The following RBFOX1 variants were observed in gnomAD, a reference collection of about 807,000 sequenced individuals.
RBFOX1 encodes the protein RNA binding fox-1 homolog 1.
A neutral mutation model predicts 57.7 loss-of-function variants in RBFOX1; 8 were observed. The ratio of observed to expected loss-of-function variants is 0.14; its 90% CI spans 0.08 to 0.25. The LOEUF is 0.25. Ranked by LOEUF, RBFOX1 falls within the 10% of genes least tolerant of loss-of-function variation. The pLI, the probability that RBFOX1 is intolerant of heterozygous loss-of-function variation, is 1.00. For missense variants in RBFOX1, 611 were observed against 548.5 expected (o/e 1.11, Z -1.14); for synonymous variants, 326 against 222.4 (o/e 1.47, Z -4.15).
chr16:7,597,587 G>C (rs555565829), intron 9 of RBFOX1, among the ~76,000 whole-genome samples, 156 bp downstream of exon 9: 1 of 152,320 alleles, frequency 6.6e-6, no homozygotes, highest in South Asian at 2.1e-4. Flanking sequence ...ACATCAATAA[G>C]ATCATTTTCA....
chr16:7,275,354 C>A (rs1325643103), intron 4 of RBFOX1, among the ~76,000 whole-genome samples: 3 of 152,286 alleles, frequency 2.0e-5, no homozygotes, highest in Admixed American at 2.0e-4. Context: ...TTAACCATTT[C>A]CCTGTTTTAG....
At chr16:7,560,175 C>T (rs954937904) in intron 5 of RBFOX1, among the ~76,000 whole-genome samples, 3 of 152,210 alleles carry the variant, frequency 2.0e-5, no homozygotes, top group African/African-American at 7.2e-5. Context: ...ACATCTCCAA[C>T]CAGAGGCAAA....
chr16:6,589,111 C>A (rs80078928), intron 2 of RBFOX1, among the ~76,000 whole-genome samples: 43 of 133,832 alleles, frequency 3.2e-4, no homozygotes, highest in East Asian at 6.8e-4. Context: ...TACAAAAAAA[C>A]CCCTAAATAT....
chr16:6,453,421 G>C (rs1217523094), intron 2 of RBFOX1, among the ~76,000 whole-genome samples: 1 of 152,104 alleles, frequency 6.6e-6, no homozygotes, highest in African/African-American at 2.4e-5. Context: ...AAATAAACTA[G>C]AAAATCTACA....
rs1567198115 is a variant in RBFOX1, at chr16:5,964,889, G to A, written c.351+97554G>A. ...ATGGCTGAATGGATAAAGAAAATGT[G>A]GTGTGTGTATATATATAGATATGTT... On this transcript the variant is annotated intron_variant, in intron 4 of 19. Coordinates refer to the RBFOX1 transcript ENST00000641259. 2.0e-5 allele frequency among the ~76,000 whole-genome samples: 3 copies of A among 151,884 alleles called. 1 individual carries two copies. The South Asian group carries it at 6.2e-4, about 32-fold the overall frequency.
chr16:6,441,166 G>T (rs923115007), intron 2 of RBFOX1, among the ~76,000 whole-genome samples: 3 of 152,118 alleles, frequency 2.0e-5, no homozygotes, highest in Non-Finnish European at 4.4e-5. Flanking sequence ...GTGGTGAGTG[G>T]ATGGCAGCTG....
At chr16:7,133,818 C>T (rs1424635657) in intron 4 of RBFOX1, among the ~76,000 whole-genome samples, 2 of 152,222 alleles carry the variant, frequency 1.3e-5, no homozygotes, top group East Asian at 3.9e-4. Flanking sequence ...TCTTTGCTGT[C>T]AGCCCTTTTG....
At position 7,642,247 on chromosome 16, in the gene RBFOX1, G is replaced by A. The variant is rs188166391; in HGVS notation, c.757+11564G>A. ...GAGGCTCTGGCTCAGATATCAGGCA[G>A]ATGATCCCTAGGCTCAGACAGTACC... On this transcript the variant is annotated intron_variant, in intron 11 of 15. Coordinates refer to ENST00000550418, the MANE Select transcript of RBFOX1 (RefSeq NM_018723.4). 3.3e-3 allele frequency among the ~76,000 whole-genome samples: 503 copies of A among 152,284 alleles called. 11 individuals carry two copies. The highest frequency in any genetic ancestry group is 0.03 in the Admixed American group (462 of 15,296).
chr16:7,454,651 T>C (rs1210902571), intron 4 of RBFOX1, among the ~76,000 whole-genome samples: 2 of 152,198 alleles, frequency 1.3e-5, no homozygotes. Flanking sequence ...ATCTACAGGA[T>C]AGCAAACATT....
At chr16:7,168,470 G>C (rs1298932286) in intron 4 of RBFOX1, among the ~76,000 whole-genome samples, 1 of 152,160 alleles carries the variant, frequency 6.6e-6, no homozygotes, top group South Asian at 2.1e-4. Context: ...CGAGCTCAAA[G>C]AGGTGGCTAT....
chr16:5,732,641 G>C (rs2052421728), intron 3 of RBFOX1, among the ~76,000 whole-genome samples: 1 of 152,090 alleles, frequency 6.6e-6, no homozygotes. Flanking sequence ...TCCCTTTTTG[G>C]CAAGAAGTAA....
chr16:7,048,165 C>T (rs572843331), intron 3 of RBFOX1, among the ~76,000 whole-genome samples: 1 of 152,058 alleles, frequency 6.6e-6, no homozygotes, highest in Admixed American at 6.6e-5. Flanking sequence ...AGGTGTGAGC[C>T]ACCGTGCCCA....
chr16:6,739,220 A>C (rs2071326737), intron 3 of RBFOX1, among the ~76,000 whole-genome samples: 1 of 151,516 alleles, frequency 6.6e-6, no homozygotes. Context: ...AAAATGGCAA[A>C]CTTCTAGTAG....
intron 1 of RBFOX1, among the ~76,000 whole-genome samples, chr16:6,191,129 G>GTTTTTTTTTTTT (rs5815289): frequency 1.5e-5 from 2 of 133,946 alleles, no homozygotes; most frequent in African/African-American, 2.8e-5. Flanking sequence ...TGCGTCTGTG[G>GTTTTTTTTTTTT]TTTTTTTTTT....
chr16:6,873,431 A>G (rs1379580226), intron 3 of RBFOX1, among the ~76,000 whole-genome samples: 1 of 152,140 alleles, frequency 6.6e-6, no homozygotes, highest in Non-Finnish European at 1.5e-5. Flanking sequence ...ATGACTACCT[A>G]TTTCAAATAG....
intron 3 of RBFOX1, among the ~76,000 whole-genome samples, chr16:6,785,318 C>G (rs925663824): frequency 2.6e-5 from 4 of 152,146 alleles, no homozygotes; most frequent in African/African-American, 9.7e-5. Flanking sequence ...TCTCATTTAT[C>G]CAGACATCTC....
intron 3 of RBFOX1, among the ~76,000 whole-genome samples, chr16:6,968,573 T>A (rs1211114194): frequency 6.6e-6 from 1 of 152,092 alleles, no homozygotes; most frequent in Non-Finnish European, 1.5e-5. Flanking sequence ...AGTCTCAGAA[T>A]GATGTGAAGG....
intron 3 of RBFOX1, among the ~76,000 whole-genome samples, chr16:6,811,011 A>T (rs547558501): frequency 1.3e-5 from 2 of 152,346 alleles, no homozygotes; most frequent in East Asian, 3.9e-4. Context: ...TTTTGGAAAT[A>T]GTTACAGAAC....
At chr16:5,820,356 C>G (rs1043396298) in intron 3 of RBFOX1, among the ~76,000 whole-genome samples, 1 of 152,112 alleles carries the variant, frequency 6.6e-6, no homozygotes, top group Non-Finnish European at 1.5e-5. Flanking sequence ...ATAAATCCTG[C>G]AAGGGGGGAG....
Sources: allele counts gnomAD v4.1 joint callset (sites outside exome capture counted in the v4.1 genomes callset), GRCh38; gene constraint gnomAD v4.1.1; transcripts MANE v1.5; gene names NCBI Gene and HGNC (gene_info 2026-07-23, HGNC 2026-07-21).